The following COLGALT2 variants were observed in gnomAD, a reference collection of about 807,000 sequenced individuals.
COLGALT2 encodes the protein collagen beta(1-O)galactosyltransferase 2, also known as procollagen galactosyltransferase 2.
In COLGALT2, 49 loss-of-function variants were observed where a neutral mutation model predicts 73.4. The ratio of observed to expected loss-of-function variants is 0.67; its 90% CI spans 0.53 to 0.85. The LOEUF is 0.85. Ranked by LOEUF, COLGALT2 falls within the 40% of genes least tolerant of loss-of-function variation. COLGALT2 has a pLI of 0.00. For synonymous variants in COLGALT2, 295 were observed against 307.6 expected (o/e 0.96, Z 0.43); for missense variants, 722 against 790.2 (o/e 0.91, Z 1.03).
chr1:183,943,624 C>T (rs1430963559), intron 10 of COLGALT2, among the ~76,000 whole-genome samples: 1 of 152,124 alleles, frequency 6.6e-6, no homozygotes, highest in African/African-American at 2.4e-5. Context: ...CCAGCACTCC[C>T]TTGGTGAGCC....
At chr1:184,028,071 C>T (rs190393983) in intron 1 of COLGALT2, among the ~76,000 whole-genome samples, 42 of 152,238 alleles carry the variant, frequency 2.8e-4, no homozygotes, top group Non-Finnish European at 5.6e-4. Context: ...ACTATCTTGG[C>T]GGGTGTAAAC....
chr1:183,951,546 T>G (rs1401135971), intron 7 of COLGALT2, among the ~76,000 whole-genome samples: 5 of 152,184 alleles, frequency 3.3e-5, no homozygotes, highest in Non-Finnish European at 7.3e-5. Flanking sequence ...AGCATTTATA[T>G]ATGCTAACAA....
intron 11 of COLGALT2, among the ~76,000 whole-genome samples, chr1:183,939,473 C>T (rs6701770): frequency 6.6e-6 from 1 of 151,992 alleles, no homozygotes; most frequent in Non-Finnish European, 1.5e-5. Context: ...TGCTCTAGCT[C>T]CCTGCTCACC....
intron 1 of COLGALT2, among the ~76,000 whole-genome samples, chr1:183,997,304 C>T (rs1043470282): frequency 9.9e-5 from 15 of 152,022 alleles, no homozygotes; most frequent in African/African-American, 3.1e-4. Context: ...ATTATATAGA[C>T]GTTTAAGAGA....
intron 1 of COLGALT2, among the ~76,000 whole-genome samples, chr1:184,027,954 G>C (rs1283124352): frequency 6.6e-6 from 1 of 152,174 alleles, no homozygotes; most frequent in East Asian, 1.9e-4. Context: ...CGCCCAACCT[G>C]TTTCTAGCAC....
At chr1:183,986,092 C>T (rs895531026) in intron 1 of COLGALT2, among the ~76,000 whole-genome samples, 6 of 152,194 alleles carry the variant, frequency 3.9e-5, no homozygotes, top group African/African-American at 1.4e-4. Flanking sequence ...GTGCCAAAGG[C>T]AGAGACATGC....
chr1:183,963,979 G>A lies in COLGALT2; in HGVS notation c.874C>T (p.Leu292=), dbSNP rs1670795186. Residue 292 remains leucine (L), a synonymous_variant, in exon 6 of 12, where the codon CTG becomes TTG. Transcript: ENST00000361927. Reference sequence around the variant, plus strand: ...TGATGGGGCTTCAGGGGGATGGGCAGGTAGCCATAGTGCTCTCTGTTGCAG... The same window carrying A: ...TGATGGGGCTTCAGGGGGATGGGCAAGTAGCCATAGTGCTCTCTGTTGCAG... ...YLCNREHYGY[L]PIPLKPHQTL... 6.2e-7 allele frequency: 1 copy of A among 1,613,590 alleles called. No individual in the cohort carries two copies. Among genetic ancestry groups the A allele is most frequent in the Non-Finnish European group, 8.5e-7 (1 of 1,179,740 alleles).
intron 1 of COLGALT2, among the ~76,000 whole-genome samples, chr1:183,990,789 G>A (rs2102829711): frequency 6.6e-6 from 1 of 152,364 alleles, no homozygotes; most frequent in East Asian, 1.9e-4. Context: ...AGCCAAGAGG[G>A]CGAGATGGCT....
chr1:183,944,293 C>T lies in COLGALT2; in HGVS notation c.1300G>A (p.Val434Ile). Residue 434 changes from valine (V) to isoleucine (I), a missense_variant, in exon 10 of 12, where the codon GTA (valine) becomes ATA (isoleucine). Val to Ile is a conservative substitution (Grantham distance 29). Transcript: ENST00000361927. ...TCAAAACGCACATCGTCTTCAATTA[C>T]AAGAGTCTTCTCTAGCTCTCGATCA... ...VIDRELEKTL[V>I]IEDDVRFEHQ... 3 of 1,613,810 alleles carry T rather than the reference C, an allele frequency of 1.9e-6. No individual in the cohort carries two copies. Among genetic ancestry groups the T allele is most frequent in the Non-Finnish European group, 2.5e-6 (3 of 1,179,884 alleles).
Position 183,981,990 on chromosome 1 carries a change from G to C in COLGALT2, c.264-3470C>G, listed in dbSNP as rs1187227031. Among the ~76,000 whole-genome samples the C allele has an allele frequency of 2.0e-5, 3 of 152,130 alleles. No homozygotes were observed. In the East Asian group the frequency reaches 5.8e-4, roughly 29 times the overall value. On this transcript the variant is annotated intron_variant, in intron 1 of 11. Coordinates refer to ENST00000361927, the MANE Select transcript of COLGALT2 (RefSeq NM_015101.4). ...TTTGAAAATATTATCTTGTAAAATA[G>C]ATACTTAAATTAAAACTAGCCTACT...
chr1:183,938,990 G>C lies in COLGALT2; in HGVS notation c.1652C>G (p.Ser551Cys). 6.2e-7 allele frequency: 1 copy of C among 1,614,168 alleles called. No homozygotes were observed. The highest frequency in any genetic ancestry group is 1.7e-5 in the Admixed American group (1 of 60,026). Residue 551 changes from serine (S) to cysteine (C), a missense_variant, in exon 12 of 12, where the codon TCT becomes TGT. Physicochemically the swap from Ser to Cys is moderately radical, Grantham distance 112. Transcript: ENST00000361927. ...YYESRDLKAFSAEPLLIYPTH... is the reference protein window; with the variant it reads ...YYESRDLKAFCAEPLLIYPTH... The stretch of plus-strand genomic sequence containing the variant: ...AGGGTAGATGAGCAAGGGTTCTGCA[G>C]AGAAGGCTTTCAGGTCCCTGGATTC...
intron 11 of COLGALT2, among the ~76,000 whole-genome samples, chr1:183,940,329 C>G (rs1306868732): frequency 6.6e-6 from 1 of 152,200 alleles, no homozygotes; most frequent in Non-Finnish European, 1.5e-5. Flanking sequence ...GGACCAAGCA[C>G]ATTACATTCA....
intron 1 of COLGALT2, among the ~76,000 whole-genome samples, chr1:184,019,224 G>A (rs1177117595): frequency 6.6e-6 from 1 of 152,140 alleles, no homozygotes; most frequent in East Asian, 1.9e-4. Context: ...GCTCAGGTAG[G>A]AGACAGAAAA....
At chr1:183,998,299 G>A (rs1160990475) in intron 1 of COLGALT2, among the ~76,000 whole-genome samples, 1 of 152,098 alleles carries the variant, frequency 6.6e-6, no homozygotes, top group Non-Finnish European at 1.5e-5. Context: ...TCATTCATGT[G>A]CTTCCTCTTT....
rs147811975 is a variant in COLGALT2 at position 184,010,895 on chromosome 1, G to T, written c.263+26200C>A. On this transcript the variant is annotated intron_variant, in intron 1 of 11. Transcript: ENST00000361927. ...GAAATAAAGGATCATCGGCTCCTGGGAGATGGATGACAGCCATAGAGTAGG... is the reference window on the plus strand; with the variant it reads ...GAAATAAAGGATCATCGGCTCCTGGTAGATGGATGACAGCCATAGAGTAGG... Among the ~76,000 whole-genome samples, 7 of 152,294 alleles carry T rather than the reference G, an allele frequency of 4.6e-5. No individual in the cohort carries two copies. The East Asian group carries it at 9.7e-4, about 21-fold the overall frequency.
In COLGALT2 at chr1:183,936,912, T is replaced by A; in HGVS notation, c.*1849A>T. 8.1e-7 allele frequency: 1 copy of A among 1,231,772 alleles called. No homozygotes were observed. The highest frequency in any genetic ancestry group is 1.0e-6 in the Non-Finnish European group (1 of 988,012). The allele number at this position is 1,231,772 out of a possible 1,614,324, so 76.3% of individuals were successfully genotyped here. A position where few individuals can be genotyped will look rare whatever the true frequency, so the allele number is the denominator to read the frequency against. On this transcript the variant is annotated 3_prime_UTR_variant, in exon 12 of 12. Transcript: ENST00000361927. The stretch of plus-strand genomic sequence containing the variant: ...GGCTGGCGTCTGGTGGAAGGCAAGC[T>A]GCCTCTTGTCCTAAAGTGGGGACCC...
chr1:183,935,774 G>C (rs530484814), downstream of COLGALT2: 1 of 819,100 alleles, frequency 1.2e-6, no homozygotes, highest in Non-Finnish European at 1.5e-6. Context: ...GGGCAGACCT[G>C]GTAATCTCTG....
chr1:184,008,260 G>A (rs73050926), intron 1 of COLGALT2, among the ~76,000 whole-genome samples: 22,284 of 152,002 alleles, frequency 0.15, 2,500 homozygotes, highest in African/African-American at 0.31. Flanking sequence ...TTTTAAGATC[G>A]ATAGTATCAA....
downstream of COLGALT2, among the ~76,000 whole-genome samples, chr1:183,931,823 CTGAA>C (rs377566961): frequency 1.8e-3 from 259 of 142,744 alleles, no homozygotes; most frequent in African/African-American, 6.4e-3. Context: ...AAGAAGAAGA[CTGAA>C]TGATTTAAGC....
Sources: allele counts gnomAD v4.1 joint callset (sites outside exome capture counted in the v4.1 genomes callset), GRCh38; gene constraint gnomAD v4.1.1; transcripts MANE v1.5; gene names NCBI Gene and HGNC (gene_info 2026-07-23, HGNC 2026-07-21).